The following RAD54B variants were observed in gnomAD, a reference collection of about 807,000 sequenced individuals.
RAD54B encodes RAD54 homolog B.
In RAD54B, 78 loss-of-function variants were observed where a neutral mutation model predicts 95.8. The observed-to-expected ratio is 0.81, with a 90% CI of 0.68 to 0.98. The LOEUF (loss-of-function observed/expected upper bound fraction) is 0.98, where lower values mean the gene tolerates loss of function less well. RAD54B is among the 50% of genes least tolerant of loss of function. The pLI, the probability that RAD54B is intolerant of heterozygous loss-of-function variation, is 0.00. For missense variants in RAD54B, 957 were observed against 1,056.6 expected, an observed-to-expected ratio of 0.91 and a Z score of 1.31; for synonymous variants, 328 against 354.9, an observed-to-expected ratio of 0.92 and a Z score of 0.85.
intron 3 of RAD54B, among the ~76,000 whole-genome samples, chr8:94,455,895 T>C (rs553089857): frequency 2.1e-4 from 32 of 152,328 alleles, no homozygotes; most frequent in African/African-American, 7.7e-4. Context: ...AGTATGACTT[T>C]ATCTTGATTA....
chr8:94,378,368 T>A lies in RAD54B; in HGVS notation c.2327A>T (p.Glu776Val). 6.2e-7 allele frequency: 1 copy of A among 1,612,778 alleles called. No individual in the cohort carries two copies. Among genetic ancestry groups the A allele is most frequent in the Non-Finnish European group, 8.5e-7 (1 of 1,179,390 alleles). The stretch of plus-strand genomic sequence containing the variant: ...ACTGATCTGCCTTTGATAGATCTTT[T>A]CTTCTATTGTACCTAAAGAGAAAAC... ...YRLLTTGTIE[E>V]KIYQRQISKQ... The change falls in exon 14 of 15, where the codon GAA becomes GTA. Residue 776 changes from glutamate (E) to valine (V), a missense_variant. Coordinates refer to ENST00000336148, the MANE Select transcript of RAD54B (RefSeq NM_012415.3).
At chr8:94,412,238 T>C (rs895616736) in intron 3 of RAD54B, among the ~76,000 whole-genome samples, 30 of 152,336 alleles carry the variant, frequency 2.0e-4, no homozygotes, top group African/African-American at 7.2e-4. Flanking sequence ...TGTTCTACTG[T>C]GTACCTATAC....
intron 3 of RAD54B, among the ~76,000 whole-genome samples, chr8:94,439,701 G>C (rs1027235887): frequency 1.3e-5 from 2 of 152,142 alleles, no homozygotes; most frequent in African/African-American, 2.4e-5. Flanking sequence ...GGCGGCGGGG[G>C]CGGTGTTCCA....
At position 94,458,451 on chromosome 8, in the gene RAD54B, T is replaced by C. The variant is rs1469858643; in HGVS notation, c.136-15A>G. ...ATTGCAACACCCTAAAAGAAACAAA[T>C]ATATATTTAAATCAGAACTCAAACC... On this transcript the variant is annotated splice_polypyrimidine_tract_variant and intron_variant, in intron 2 of 14. Coordinates refer to ENST00000336148, the MANE Select transcript of RAD54B (RefSeq NM_012415.3). 2 of 1,529,252 alleles carry C rather than the reference T, an allele frequency of 1.3e-6. No homozygotes were observed. Among genetic ancestry groups the C allele is most frequent in the African/African-American group, 2.8e-5 (2 of 70,888 alleles). 94.7% of individuals were successfully genotyped at this position (1,529,252 alleles called of 1,614,324 possible).
intron 2 of RAD54B, 110 bp downstream of exon 2, chr8:94,467,295 A>G (rs1295823643): frequency 4.2e-6 from 4 of 944,546 alleles, no homozygotes; most frequent in Non-Finnish European, 6.1e-6. Context: ...GTTTTCAGAG[A>G]TACTGAAAAT....
At chr8:94,391,425 G>A (rs1471617500) in intron 10 of RAD54B, among the ~76,000 whole-genome samples, 184 bp downstream of exon 10, 1 of 148,994 alleles carries the variant, frequency 6.7e-6, no homozygotes, top group Admixed American at 6.8e-5. Flanking sequence ...TAGGAGTGTG[G>A]ACATGCTCTG....
chr8:94,471,724 G>C (rs926634612), intron 1 of RAD54B, among the ~76,000 whole-genome samples: 2 of 151,800 alleles, frequency 1.3e-5, no homozygotes, highest in African/African-American at 4.8e-5. Flanking sequence ...GTTATTTTCT[G>C]TATATTTCAA....
intron 3 of RAD54B, among the ~76,000 whole-genome samples, chr8:94,448,897 C>T (rs1812585152): frequency 6.6e-6 from 1 of 152,018 alleles, no homozygotes; most frequent in Admixed American, 6.6e-5. Flanking sequence ...GTATTAGGTA[C>T]TTTGTTAAAT....
intron 3 of RAD54B, among the ~76,000 whole-genome samples, chr8:94,435,627 A>G (rs1408980903): frequency 6.6e-6 from 1 of 152,162 alleles, no homozygotes; most frequent in Non-Finnish European, 1.5e-5. Flanking sequence ...AATCTGAATT[A>G]GTGGCAAGAT....
At chr8:94,401,205 G>C (rs1393952439) in intron 6 of RAD54B, among the ~76,000 whole-genome samples, 2 of 152,094 alleles carry the variant, frequency 1.3e-5, no homozygotes, top group African/African-American at 2.4e-5. Context: ...TTTGAACTGT[G>C]AAAGTCCACT....
At chr8:94,390,092 C>A (rs967967381) in intron 10 of RAD54B, among the ~76,000 whole-genome samples, 6 of 152,056 alleles carry the variant, frequency 3.9e-5, no homozygotes. Flanking sequence ...GTAATCTCAG[C>A]ACTTTGGGAG....
intron 14 of RAD54B, among the ~76,000 whole-genome samples, chr8:94,376,907 T>C (rs957998985): frequency 2.7e-4 from 41 of 151,994 alleles, no homozygotes; most frequent in Admixed American, 1.2e-3. Flanking sequence ...TATGTTTATA[T>C]AAAATCTAAA....
At chr8:94,434,439 A>G (rs1006332816) in intron 3 of RAD54B, among the ~76,000 whole-genome samples, 1 of 151,926 alleles carries the variant, frequency 6.6e-6, no homozygotes, top group Non-Finnish European at 1.5e-5. Flanking sequence ...CACAAAATAT[A>G]AACTGATATT....
chr8:94,430,400 T>C lies in RAD54B; in HGVS notation c.305-19085A>G, dbSNP rs958620443. 6.1e-6 allele frequency: 6 copies of C among 985,146 alleles called. No homozygotes were observed. In the South Asian group the frequency reaches 1.9e-4, roughly 31 times the overall value. 61.0% of individuals were successfully genotyped at this position (985,146 alleles called of 1,614,324 possible). A position where few individuals can be genotyped will look rare whatever the true frequency, so the allele number is the denominator to read the frequency against. ...TATCCCTCAGTTCACTTTCAACTAC[T>C]CTTCGACAAAAATTTTGAGACTAGT... is the stretch of plus-strand genomic sequence containing the variant. On this transcript the variant is annotated intron_variant, in intron 3 of 14. Coordinates refer to ENST00000336148, the MANE Select transcript of RAD54B (RefSeq NM_012415.3).
chr8:94,418,481 AAT>A (rs1435862109), intron 3 of RAD54B, among the ~76,000 whole-genome samples: 1 of 152,082 alleles, frequency 6.6e-6, no homozygotes, highest in Non-Finnish European at 1.5e-5. Context: ...CATACAGTAA[AAT>A]AGACTTTTTC....
intron 10 of RAD54B, among the ~76,000 whole-genome samples, chr8:94,389,287 C>A (rs1329934448): frequency 6.6e-6 from 1 of 152,190 alleles, no homozygotes; most frequent in African/African-American, 2.4e-5. Flanking sequence ...AGTTCTTAAC[C>A]AAGAACACGT....
intron 4 of RAD54B, among the ~76,000 whole-genome samples, chr8:94,408,921 T>C (rs916411279): frequency 1.8e-4 from 27 of 152,164 alleles, no homozygotes; most frequent in Non-Finnish European, 4.4e-5. Flanking sequence ...ATAGATGATC[T>C]TGATCCAAAG....
intron 11 of RAD54B, among the ~76,000 whole-genome samples, chr8:94,382,804 GCT>G (rs1810777824): frequency 6.6e-6 from 1 of 152,090 alleles, no homozygotes; most frequent in Non-Finnish European, 1.5e-5. Flanking sequence ...GCTCTTGCTA[GCT>G]CTCTCTTTCC....
chr8:94,378,131 GAAAT>G lies in RAD54B; in HGVS notation c.2515+45_2515+48del, dbSNP rs752744371. On this transcript the variant is annotated intron_variant, in intron 14 of 14. Transcript: ENST00000336148. ...TTTAAATATTTTCAACTGCTAACAA[GAAAT>G]AAATTAACTTTACTACATAGTAACA... 50 of 1,324,882 alleles carry G rather than the reference GAAAT, an allele frequency of 3.8e-5. 1 individual carries two copies. The South Asian group carries it at 6.4e-4, about 17-fold the overall frequency. 82.1% of individuals were successfully genotyped at this position (1,324,882 alleles called of 1,614,324 possible). A position where few individuals can be genotyped will look rare whatever the true frequency, so the allele number is the denominator to read the frequency against.
Sources: gnomAD v4.1 joint callset for allele counts (sites outside exome capture counted in the v4.1 genomes callset) on GRCh38, gnomAD v4.1.1 for gene constraint, MANE v1.5 for transcripts, NCBI Gene and HGNC (gene_info 2026-07-23, HGNC 2026-07-21) for gene names.